The following CSMD1 variants were observed in gnomAD, a reference collection of about 807,000 sequenced individuals.
CSMD1 encodes CUB and sushi domain-containing protein 1.
A neutral mutation model predicts 417.5 loss-of-function variants in CSMD1; 213 were observed. That is an observed-to-expected ratio of 0.51 (90% CI 0.46 to 0.57). The LOEUF is 0.57. Among genes scored for constraint, CSMD1 ranks in the 20% least tolerant of loss-of-function variants. The probability of loss-of-function intolerance (pLI) is 0.00; values close to 1 mark genes in which losing one functional copy is unlikely to be tolerated. For synonymous variants in CSMD1, 2,862 were observed against 1,736.8 expected (o/e 1.65, Z -16.11); for missense variants, 6,923 against 4,529.7 (o/e 1.53, Z -15.17).
chr8:3,833,485 T>C (rs1203120034), intron 5 of CSMD1, among the ~76,000 whole-genome samples: 1 of 152,146 alleles, frequency 6.6e-6, no homozygotes, highest in Non-Finnish European at 1.5e-5. Context: ...ATTTTCCTAC[T>C]ATAACAAAGC....
intron 17 of CSMD1, among the ~76,000 whole-genome samples, chr8:3,389,758 A>T (rs1041221248): frequency 1.9e-4 from 29 of 152,368 alleles, no homozygotes; most frequent in Non-Finnish European, 5.9e-5. Flanking sequence ...AGAAATAAAA[A>T]CATCGAATTA....
chr8:3,256,345 A>C (rs1348144365), intron 26 of CSMD1, among the ~76,000 whole-genome samples: 1 of 151,382 alleles, frequency 6.6e-6, no homozygotes, highest in African/African-American at 2.4e-5. Flanking sequence ...GGAAGGAAAG[A>C]AAGGAAGGAA....
intron 1 of CSMD1, among the ~76,000 whole-genome samples, chr8:4,699,501 C>T (rs895138074): frequency 6.6e-6 from 1 of 152,152 alleles, no homozygotes. Context: ...AAAGTCAAAG[C>T]TGTACATCGA....
chr8:4,118,111 G>C (rs1465773861), intron 3 of CSMD1, among the ~76,000 whole-genome samples: 4 of 152,064 alleles, frequency 2.6e-5, no homozygotes, highest in Admixed American at 6.6e-5. Context: ...GTGTTTGCAG[G>C]TGTACAGAAT....
At chr8:4,948,134 C>T (rs1001997757) in intron 1 of CSMD1, among the ~76,000 whole-genome samples, 3 of 151,974 alleles carry the variant, frequency 2.0e-5, no homozygotes, top group Non-Finnish European at 4.4e-5. Context: ...ATTTATACTA[C>T]TATCATCATG....
rs779945245 is a variant in CSMD1 at position 3,493,774 on chromosome 8, A to T, written c.1345-48T>A. 5 of 1,471,752 alleles carry T rather than the reference A, an allele frequency of 3.4e-6. No homozygotes were observed. In the Admixed American group the frequency reaches 5.7e-5, roughly 17 times the overall value. 91.2% of individuals were successfully genotyped at this position (1,471,752 alleles called of 1,614,324 possible). On this transcript the variant is annotated intron_variant, in intron 10 of 69. Coordinates refer to ENST00000635120, the MANE Select transcript of CSMD1 (RefSeq NM_033225.6). Reference sequence around the variant, plus strand: ...TGACTTAGAACAACAGGTACTTCCCATGACTTTTAATAGGTATTGCAAATA... The same window carrying T: ...TGACTTAGAACAACAGGTACTTCCCTTGACTTTTAATAGGTATTGCAAATA...
At chr8:3,705,595 G>C (rs982894544) in intron 7 of CSMD1, among the ~76,000 whole-genome samples, 1 of 152,194 alleles carries the variant, frequency 6.6e-6, no homozygotes, top group Admixed American at 6.5e-5. Flanking sequence ...AAAATACTAA[G>C]ATGGAAGCAA....
intron 29 of CSMD1, among the ~76,000 whole-genome samples, chr8:3,217,372 T>C (rs562964664): frequency 6.6e-6 from 1 of 152,380 alleles, no homozygotes; most frequent in South Asian, 2.1e-4. Flanking sequence ...TCTTTCTTCA[T>C]GCAACCTGTA....
At chr8:3,407,390 T>C (rs971029977) in intron 14 of CSMD1, among the ~76,000 whole-genome samples, 1 of 148,178 alleles carries the variant, frequency 6.7e-6, no homozygotes, top group African/African-American at 2.5e-5. Context: ...GATGGAACGA[T>C]GGATGGATGG....
At chr8:4,845,809 T>C (rs1018014716) in intron 1 of CSMD1, among the ~76,000 whole-genome samples, 1 of 152,190 alleles carries the variant, frequency 6.6e-6, no homozygotes, top group East Asian at 1.9e-4. Context: ...CTAAAGACAA[T>C]TGATATTCAC....
At chr8:3,691,771 C>T (rs2624072) in intron 7 of CSMD1, among the ~76,000 whole-genome samples, 1 of 152,072 alleles carries the variant, frequency 6.6e-6, no homozygotes, top group African/African-American at 2.4e-5. Flanking sequence ...CCATTTTTTA[C>T]ACATTTATTT....
intron 17 of CSMD1, among the ~76,000 whole-genome samples, chr8:3,394,054 A>ATG (rs1563342472): frequency 1.2e-3 from 159 of 127,590 alleles, no homozygotes; most frequent in Non-Finnish European, 2.3e-3. Context: ...ATATATATAT[A>ATG]TAGAAAAAAA....
chr8:4,529,027 A>C (rs1796663869), intron 2 of CSMD1, among the ~76,000 whole-genome samples: 1 of 152,274 alleles, frequency 6.6e-6, no homozygotes, highest in East Asian at 1.9e-4. Flanking sequence ...TTGTGATGAT[A>C]TATGTGAGAC....
At chr8:4,229,736 C>T (rs370428764) in intron 3 of CSMD1, among the ~76,000 whole-genome samples, 2 of 152,106 alleles carry the variant, frequency 1.3e-5, no homozygotes, top group South Asian at 2.1e-4. Context: ...CATCCTCTGC[C>T]GTCCTGCTTC....
intron 5 of CSMD1, among the ~76,000 whole-genome samples, chr8:3,785,822 T>C (rs1182999766): frequency 3.9e-5 from 6 of 152,188 alleles, no homozygotes; most frequent in Admixed American, 3.3e-4. Flanking sequence ...GTTGAAGAGC[T>C]TCTTCCTTAT....
intron 1 of CSMD1, among the ~76,000 whole-genome samples, chr8:4,844,289 A>G (rs1053358816): frequency 4.6e-5 from 7 of 152,146 alleles, no homozygotes; most frequent in Non-Finnish European, 8.8e-5. Flanking sequence ...GTTTACCTAA[A>G]TGTCCTCCAG....
intron 8 of CSMD1, among the ~76,000 whole-genome samples, chr8:3,589,266 C>T (rs1042871666): frequency 1.3e-5 from 2 of 151,952 alleles, no homozygotes; most frequent in African/African-American, 2.4e-5. Context: ...GAAATCAATA[C>T]GTTGAAGAGA....
At chr8:4,764,812 G>A (rs1236452214) in intron 1 of CSMD1, among the ~76,000 whole-genome samples, 4 of 144,960 alleles carry the variant, frequency 2.8e-5, no homozygotes, top group Admixed American at 7.1e-5. Flanking sequence ...GGCAGAGCTT[G>A]CGGTGAGCAG....
chr8:3,587,633 G>A (rs1258418818), intron 8 of CSMD1, among the ~76,000 whole-genome samples: 1 of 152,092 alleles, frequency 6.6e-6, no homozygotes, highest in African/African-American at 2.4e-5. Context: ...CACTCTCTAG[G>A]GATTGCCATG....
Sources: allele counts gnomAD v4.1 joint callset (sites outside exome capture counted in the v4.1 genomes callset), GRCh38; gene constraint gnomAD v4.1.1; transcripts MANE v1.5; gene names NCBI Gene and HGNC (gene_info 2026-07-23, HGNC 2026-07-21).